Variants in CELF2 observed in about 807,000 individuals in gnomAD.
CELF2 encodes CUGBP Elav-like family member 2, also known as CUG triplet repeat RNA-binding protein 2.
Under a neutral mutation model 62.6 loss-of-function variants are expected in CELF2, and 8 were observed. The observed-to-expected ratio is 0.13, with a 90% CI of 0.07 to 0.23. CELF2 has a LOEUF of 0.23. Ranked by LOEUF, CELF2 falls within the 10% of genes least tolerant of loss-of-function variation. CELF2 has a pLI of 1.00. For synonymous variants in CELF2, 258 were observed against 250.0 expected (o/e 1.03, Z -0.30); for missense variants, 333 against 671.0 (o/e 0.50, Z 5.56).
chr10:10,861,780 G>A (rs2060058819), intron 1 of CELF2, among the ~76,000 whole-genome samples: 1 of 152,060 alleles, frequency 6.6e-6, no homozygotes, highest in Non-Finnish European at 1.5e-5. Context: ...TATGATTAAG[G>A]CAGATAAAAA....
At chr10:10,627,126 G>A in the CELF2 span, among the ~76,000 whole-genome samples, 5 of 152,174 alleles carry the variant, frequency 3.3e-5, no homozygotes, top group African/African-American at 9.7e-5. Flanking sequence ...GCATTGTGTA[G>A]CCCTCCAAAA....
the CELF2 span, among the ~76,000 whole-genome samples, chr10:10,716,888 C>A: frequency 6.6e-6 from 1 of 152,168 alleles, no homozygotes; most frequent in Admixed American, 6.5e-5. Flanking sequence ...GACCCAGATG[C>A]TTTAATTAAG....
At chr10:10,658,571 T>C in the CELF2 span, among the ~76,000 whole-genome samples, 7 of 152,188 alleles carry the variant, frequency 4.6e-5, no homozygotes, top group African/African-American at 1.7e-4. Context: ...TCTTGGCCAA[T>C]TTGCTAACTT....
intron 1 of CELF2, among the ~76,000 whole-genome samples, chr10:10,915,462 G>A (rs1393448405): frequency 3.9e-5 from 6 of 152,208 alleles, no homozygotes; most frequent in Non-Finnish European, 8.8e-5. Context: ...CTGGAGAGCA[G>A]TAGAAGGATC....
intron 2 of CELF2, among the ~76,000 whole-genome samples, chr10:10,942,692 A>G (rs1469273151): frequency 6.6e-6 from 1 of 152,236 alleles, no homozygotes; most frequent in African/African-American, 2.4e-5. Context: ...AGACATGAAT[A>G]CCAAGAGGTA....
At chr10:10,656,905 A>G in the CELF2 span, among the ~76,000 whole-genome samples, 2 of 145,514 alleles carry the variant, frequency 1.4e-5, no homozygotes, top group Non-Finnish European at 3.0e-5. Flanking sequence ...TAACTTGCAC[A>G]TGGTAGAATC....
the CELF2 span, among the ~76,000 whole-genome samples, chr10:10,620,561 C>T: frequency 6.6e-6 from 1 of 151,934 alleles, no homozygotes; most frequent in African/African-American, 2.4e-5. Flanking sequence ...GTTGCTGACC[C>T]CTGACCTAGG....
chr10:11,284,461 ATGAGTGT>A (rs2090414758), intron 8 of CELF2, among the ~76,000 whole-genome samples: 1 of 144,930 alleles, frequency 6.9e-6, no homozygotes, highest in Non-Finnish European at 1.5e-5. Flanking sequence ...TGGATGAGGG[ATGAGTGT>A]GTGGTGGGTG....
intron 2 of CELF2, among the ~76,000 whole-genome samples, chr10:10,979,859 A>C (rs924302353): frequency 1.3e-5 from 2 of 152,156 alleles, no homozygotes; most frequent in Non-Finnish European, 2.9e-5. Flanking sequence ...AAAAAGGAAA[A>C]CTATGTAATT....
the CELF2 span, among the ~76,000 whole-genome samples, chr10:10,589,391 A>G: frequency 2.0e-5 from 3 of 152,198 alleles, no homozygotes; most frequent in African/African-American, 7.2e-5. Flanking sequence ...TGTTGATGTT[A>G]ATGGTAATAA....
chr10:10,774,663 C>T, the CELF2 span, among the ~76,000 whole-genome samples: 1 of 152,128 alleles, frequency 6.6e-6, no homozygotes, highest in African/African-American at 2.4e-5. Context: ...TCCCGCACAG[C>T]CTGAGGAAGC....
the CELF2 span, among the ~76,000 whole-genome samples, chr10:10,556,277 C>G: frequency 0.027 from 4,007 of 150,262 alleles, 146 homozygotes; most frequent in East Asian, 0.13. Context: ...GTGACAATAT[C>G]TGGTGTTTGG....
At chr10:11,284,041 G>T (rs2090122710) in intron 8 of CELF2, among the ~76,000 whole-genome samples, 1 of 150,538 alleles carries the variant, frequency 6.6e-6, no homozygotes, top group Non-Finnish European at 1.5e-5. Context: ...TGAGTGTGTG[G>T]TGAGTGGATG....
At chr10:11,105,138 A>T (rs2053046372) in intron 1 of CELF2, among the ~76,000 whole-genome samples, 1 of 152,268 alleles carries the variant, frequency 6.6e-6, no homozygotes, top group Admixed American at 6.5e-5. Flanking sequence ...CTAAGTCCAG[A>T]TTAGACAGTA....
the CELF2 span, among the ~76,000 whole-genome samples, chr10:10,694,327 T>C: frequency 2.0e-5 from 3 of 151,146 alleles, no homozygotes; most frequent in African/African-American, 4.9e-5. Flanking sequence ...CGGTTTTGAG[T>C]GAGATTCTTA....
the CELF2 span, among the ~76,000 whole-genome samples, chr10:10,766,753 A>G: frequency 6.6e-6 from 1 of 152,224 alleles, no homozygotes; most frequent in Admixed American, 6.5e-5. Flanking sequence ...TGACATGCAC[A>G]GAATGAGACC....
the CELF2 span, among the ~76,000 whole-genome samples, chr10:10,712,943 A>G: frequency 6.6e-6 from 1 of 152,210 alleles, no homozygotes; most frequent in African/African-American, 2.4e-5. Flanking sequence ...CTCTGCTCCC[A>G]TGATACTTGA....
intron 9 of CELF2, among the ~76,000 whole-genome samples, chr10:11,289,529 A>G (rs907500444): frequency 2.6e-5 from 4 of 152,230 alleles, no homozygotes; most frequent in Non-Finnish European, 1.5e-5. Context: ...TTGTCTCTGC[A>G]TAAAACATTG....
the CELF2 span, among the ~76,000 whole-genome samples, chr10:10,489,764 G>C: frequency 6.6e-6 from 1 of 150,558 alleles, no homozygotes; most frequent in African/African-American, 2.4e-5. Context: ...AAAACAAAAC[G>C]TGACGAAAAT....
Sources: allele counts gnomAD v4.1 joint callset (sites outside exome capture counted in the v4.1 genomes callset), GRCh38; gene constraint gnomAD v4.1.1; transcripts MANE v1.5; gene names NCBI Gene and HGNC (gene_info 2026-07-23, HGNC 2026-07-21).